Variants in MORC1 observed in about 807,000 individuals in gnomAD.
The protein encoded by MORC1 is MORC family CW-type zinc finger 1.
A neutral mutation model predicts 134.9 loss-of-function variants in MORC1; 59 were observed. The ratio of observed to expected loss-of-function variants is 0.44; its 90% CI spans 0.35 to 0.54. The LOEUF (loss-of-function observed/expected upper bound fraction) is 0.54. Ranked by LOEUF, MORC1 falls within the 20% of genes least tolerant of loss-of-function variation. The pLI is 0.00. For missense variants in MORC1, 947 were observed against 1,134.5 expected, an observed-to-expected ratio of 0.83 and a Z score of 2.37; for synonymous variants, 395 against 391.7, an observed-to-expected ratio of 1.01 and a Z score of -0.10.
chr3:109,000,142 T>G (rs113407290), intron 21 of MORC1, among the ~76,000 whole-genome samples: 2,558 of 152,332 alleles, frequency 0.017, 70 homozygotes, highest in African/African-American at 0.058. Context: ...CACTTTTCTC[T>G]GCCTAATTTA....
chr3:108,989,839 T>C lies in MORC1; in HGVS notation c.2188-2890A>G, dbSNP rs192919097. On this transcript the variant is annotated intron_variant, in intron 21 of 27. Coordinates refer to ENST00000232603, the MANE Select transcript of MORC1 (RefSeq NM_014429.4). ...TGGGTTTCTAGTGTGGGCCAGATACTACCACGGCGAAAAGTTCGAAGTCCT... is the reference window on the plus strand; with the variant it reads ...TGGGTTTCTAGTGTGGGCCAGATACCACCACGGCGAAAAGTTCGAAGTCCT... 1.7e-4 allele frequency among the ~76,000 whole-genome samples: 26 copies of C among 152,278 alleles called. No individual in the cohort carries two copies. In the East Asian group the frequency reaches 5.0e-3, roughly 29 times the overall value.
At position 108,999,284 on chromosome 3, in the gene MORC1, G is replaced by C. The variant is rs145925562; in HGVS notation, c.2187+1273C>G. 3.5e-3 allele frequency among the ~76,000 whole-genome samples: 527 copies of C among 152,106 alleles called. 3 individuals are homozygous for C. The highest frequency in any genetic ancestry group is 5.0e-3 in the Admixed American group (76 of 15,274). On this transcript the variant is annotated intron_variant, in intron 21 of 27. Transcript: ENST00000232603. ...CACCTTTTTAACATCCCTTCAAAGG[G>C]CTACTTCAAATAATTACAATTTATG...
At position 109,074,237 on chromosome 3, in the gene MORC1, G is replaced by C. The variant is rs11920923; in HGVS notation, c.690-4480C>G. On this transcript the variant is annotated intron_variant, in intron 8 of 27. Transcript: ENST00000232603. ...CCTGAGATCGATCCCGAGCCATGGC[G>C]GATTTCAGGGATGTGGCAAGCCCCT... Among the ~76,000 whole-genome samples, 994 of 152,280 alleles carry C rather than the reference G, an allele frequency of 6.5e-3. 15 individuals carry two copies. The highest frequency in any genetic ancestry group is 0.023 in the African/African-American group (961 of 41,550).
chr3:109,088,699 C>A (rs2107749911), intron 8 of MORC1, among the ~76,000 whole-genome samples: 1 of 152,176 alleles, frequency 6.6e-6, no homozygotes, highest in Non-Finnish European at 1.5e-5. Context: ...AACCCAGGAA[C>A]CCCATTACTG....
At chr3:109,002,205 G>A (rs879932430) in intron 20 of MORC1, among the ~76,000 whole-genome samples, 2 of 152,190 alleles carry the variant, frequency 1.3e-5, no homozygotes, top group Non-Finnish European at 2.9e-5. Context: ...TCCAGAGGAG[G>A]AGTCTCATAA....
intron 21 of MORC1, among the ~76,000 whole-genome samples, chr3:108,991,010 T>A (rs1030135517): frequency 6.6e-6 from 1 of 152,098 alleles, no homozygotes; most frequent in African/African-American, 2.4e-5. Flanking sequence ...TAATATTCCT[T>A]AGGGTACTGG....
chr3:109,114,639 G>A (rs34268276), intron 1 of MORC1, among the ~76,000 whole-genome samples: 6,013 of 152,184 alleles, frequency 0.04, 256 homozygotes, highest in Middle Eastern at 0.1. Flanking sequence ...AAACACTTTT[G>A]CCAAAATATC....
intron 27 of MORC1, among the ~76,000 whole-genome samples, chr3:108,962,782 C>T (rs1947115355): frequency 6.7e-6 from 1 of 148,994 alleles, no homozygotes; most frequent in Admixed American, 6.6e-5. Flanking sequence ...ATCAGTTCAA[C>T]CTATCACATA....
At chr3:109,098,813 T>C (rs183147881) in intron 6 of MORC1, among the ~76,000 whole-genome samples, 1 of 152,296 alleles carries the variant, frequency 6.6e-6, no homozygotes, top group Non-Finnish European at 1.5e-5. Context: ...ATAGAGTCTA[T>C]CCAGTACTAG....
chr3:109,000,271 T>C, intron 21 of MORC1, among the ~76,000 whole-genome samples: 1 of 152,184 alleles, frequency 6.6e-6, no homozygotes, highest in East Asian at 1.9e-4. Context: ...TATATAACTT[T>C]TGTATATTTT....
chr3:109,077,161 A>G (rs1219357517), intron 8 of MORC1, among the ~76,000 whole-genome samples: 1 of 152,180 alleles, frequency 6.6e-6, no homozygotes, highest in South Asian at 2.1e-4. Flanking sequence ...AACCATTTAA[A>G]CAAATATTGA....
intron 17 of MORC1, among the ~76,000 whole-genome samples, chr3:109,009,458 C>T (rs1349372715): frequency 6.6e-6 from 1 of 152,142 alleles, no homozygotes; most frequent in Non-Finnish European, 1.5e-5. Context: ...CCCACCTCAG[C>T]CTCCCAAAGT....
intron 16 of MORC1, among the ~76,000 whole-genome samples, chr3:109,031,620 C>T (rs1949243081): frequency 6.6e-6 from 1 of 152,156 alleles, no homozygotes; most frequent in South Asian, 2.1e-4. Flanking sequence ...TGGCTTCATA[C>T]ATAGGTTTCT....
chr3:109,007,706 G>A (rs1948577571), intron 17 of MORC1, among the ~76,000 whole-genome samples: 3 of 152,086 alleles, frequency 2.0e-5, no homozygotes, highest in Admixed American at 1.3e-4. Context: ...CCCCAAGGGA[G>A]AACTAATTGC....
At position 109,094,204 on chromosome 3, in the gene MORC1, C is replaced by T. The variant is rs541259091; in HGVS notation, c.584-663G>A. On this transcript the variant is annotated intron_variant, in intron 7 of 27. Coordinates refer to ENST00000232603, the MANE Select transcript of MORC1 (RefSeq NM_014429.4). The stretch of plus-strand genomic sequence containing the variant: ...ACCCGAGACCATAATTTGCTGACCC[C>T]TGCTCCAAGGCATGATTAACAAAAA... 3.9e-5 allele frequency among the ~76,000 whole-genome samples: 6 copies of T among 152,276 alleles called. No homozygotes were observed. The East Asian group carries it at 1.2e-3, about 29-fold the overall frequency.
chr3:109,005,245 T>G lies in MORC1; in HGVS notation c.1838A>C (p.Glu613Ala). The G allele has an allele frequency of 6.2e-7, 1 of 1,613,920 alleles. No homozygotes were observed. Among genetic ancestry groups the G allele is most frequent in the Non-Finnish European group, 8.5e-7 (1 of 1,179,946 alleles). The part of the protein sequence containing the change: ...DLKHESLSSF[E>A]LSASRRGQKR... ...CTGTCCTCTACGGCTCGCTGAAAGC[T>G]CAAAGGATGAAAGAGATTCATGCTT... The change falls in exon 19 of 28, where the codon GAG becomes GCG. Residue 613 changes from glutamate (E) to alanine (A), a missense_variant. Glu to Ala is a moderately radical substitution (Grantham distance 107, BLOSUM62 -1). Transcript: ENST00000232603.
At chr3:109,055,553 T>C (rs2107670663) in intron 13 of MORC1, among the ~76,000 whole-genome samples, 1 of 152,316 alleles carries the variant, frequency 6.6e-6, no homozygotes, top group African/African-American at 2.4e-5. Flanking sequence ...CACTATTCAT[T>C]CTCTAAGTCT....
chr3:109,117,847 G>T (rs1576764110), intron 1 of MORC1, 148 bp downstream of exon 1: 9 of 703,580 alleles, frequency 1.3e-5, no homozygotes, highest in Middle Eastern at 2.9e-4. Flanking sequence ...TGCTTTCATC[G>T]TTTTAAAAAA....
chr3:108,963,824 T>C (rs1290984199), intron 26 of MORC1, among the ~76,000 whole-genome samples: 1 of 152,178 alleles, frequency 6.6e-6, no homozygotes, highest in Non-Finnish European at 1.5e-5. Flanking sequence ...ATTTCAATAA[T>C]TGTAATTATA....
Sources: allele counts gnomAD v4.1 joint callset (sites outside exome capture counted in the v4.1 genomes callset), GRCh38; gene constraint gnomAD v4.1.1; transcripts MANE v1.5; gene names NCBI Gene and HGNC (gene_info 2026-07-23, HGNC 2026-07-21).